Variants in TRPM8 observed in about 807,000 individuals in gnomAD.
TRPM8 encodes the protein transient receptor potential cation channel subfamily M member 8.
In TRPM8, 110 loss-of-function variants were observed where a neutral mutation model predicts 133.7. The observed-to-expected ratio is 0.82, with a 90% CI of 0.70 to 0.96. The LOEUF (loss-of-function observed/expected upper bound fraction) is 0.96, where lower values mean the gene tolerates loss of function less well. Ranked by LOEUF, TRPM8 falls within the 40% of genes least tolerant of loss-of-function variation. TRPM8 has a pLI of 0.00. For synonymous variants in TRPM8, 535 were observed against 532.3 expected, an observed-to-expected ratio of 1.01 and a Z score of -0.07; for missense variants, 1,291 against 1,379.5, an observed-to-expected ratio of 0.94 and a Z score of 1.02.
chr2:233,993,081 T>C (rs1692322230), intron 21 of TRPM8, among the ~76,000 whole-genome samples: 1 of 152,224 alleles, frequency 6.6e-6, no homozygotes, highest in East Asian at 1.9e-4. Context: ...GGGTCAGCTG[T>C]ACCTCGGTGT....
In TRPM8 at chr2:233,966,738, G is replaced by A. The variant is rs141040008; in HGVS notation, c.2008G>A (p.Ala670Thr). Reference protein sequence around the residue: ...AVEATDQHFIAQPGVQNFLSK... With the variant: ...AVEATDQHFITQPGVQNFLSK... ...GGAGGCCACAGACCAGCATTTCATC[G>A]CCCAGCCTGGGGTCCAGGTAAACCA... The change falls in exon 15 of 26, where the codon GCC (alanine) becomes ACC (threonine). Residue 670 changes from alanine (A) to threonine (T), a missense_variant. Coordinates refer to ENST00000324695, the MANE Select transcript of TRPM8 (RefSeq NM_024080.5). The A allele has an allele frequency of 5.2e-5, 82 of 1,588,448 alleles. No individual in the cohort carries two copies. Among genetic ancestry groups the A allele is most frequent in the Middle Eastern group, 5.0e-4 (3 of 5,950 alleles).
At chr2:233,929,414 A>G (rs1012185403) in intron 2 of TRPM8, among the ~76,000 whole-genome samples, 7 of 152,216 alleles carry the variant, frequency 4.6e-5, no homozygotes, top group African/African-American at 1.4e-4. Flanking sequence ...ACTTCATTCC[A>G]GGAGAAGGGA....
chr2:233,934,318 C>T (rs1691744132), intron 3 of TRPM8, among the ~76,000 whole-genome samples: 1 of 152,174 alleles, frequency 6.6e-6, no homozygotes, highest in African/African-American at 2.4e-5. Context: ...GCCTGATCTT[C>T]CATGTCACAG....
At chr2:234,010,890 T>C (rs1276461412) in intron 24 of TRPM8, among the ~76,000 whole-genome samples, 4 of 152,250 alleles carry the variant, frequency 2.6e-5, no homozygotes, top group Admixed American at 6.5e-5. Flanking sequence ...TACTGATAAA[T>C]GGTTTGTAAA....
chr2:233,950,141 A>T lies in TRPM8; in HGVS notation c.1135A>T (p.Lys379Ter). 7.4e-6 allele frequency: 12 copies of T among 1,612,360 alleles called. No individual in the cohort carries two copies. The highest frequency in any genetic ancestry group is 1.0e-5 in the Non-Finnish European group (12 of 1,179,836). ...LPEEETESWI[K>*]WLKEILECSH... ...TGAGGAGGAGACTGAGAGTTGGATC[A>T]AATGGGTAAGTTGTCGGGACCATGT... The change falls in exon 9 of 26, where the codon AAA becomes TAA. Residue 379 changes from lysine to a stop codon, truncating the protein, a stop_gained. Transcript: ENST00000324695. LOFTEE classifies it high-confidence loss of function.
rs200066478 is a variant in TRPM8 at position 233,945,988 on chromosome 2, C to T, written c.832C>T (p.Arg278Trp). The stretch of plus-strand genomic sequence containing the variant: ...ACATCCCACTGTCGAAGCAAAGCTC[C>T]GGAATCAGCTAGAGAAGTATATCTC... ...HGHPTVEAKL[R>W]NQLEKYISER... The change falls in exon 7 of 26, where the codon CGG becomes TGG. Residue 278 changes from arginine to tryptophan, a missense_variant. By Grantham distance (101) the Arg-to-Trp change is moderately radical. Coordinates refer to ENST00000324695, the MANE Select transcript of TRPM8 (RefSeq NM_024080.5). 6.8e-5 allele frequency: 110 copies of T among 1,613,980 alleles called. No homozygotes were observed. Among genetic ancestry groups the T allele is most frequent in the Admixed American group, 1.2e-4 (7 of 59,994 alleles).
intron 14 of TRPM8, 126 bp downstream of exon 14, chr2:233,964,883 G>A: frequency 2.0e-6 from 2 of 1,004,504 alleles, no homozygotes; most frequent in South Asian, 2.5e-5. Flanking sequence ...GTCTGATTGA[G>A]GGCTGCAGAC....
At chr2:233,997,079 A>T (rs559826892) in intron 22 of TRPM8, among the ~76,000 whole-genome samples, 22 of 152,294 alleles carry the variant, frequency 1.4e-4, no homozygotes, top group African/African-American at 5.1e-4. Flanking sequence ...AGCCTGGGCA[A>T]CACGGTGAAA....
intron 17 of TRPM8, among the ~76,000 whole-genome samples, chr2:233,979,912 A>C (rs1691963718): frequency 6.6e-6 from 1 of 152,158 alleles, no homozygotes; most frequent in South Asian, 2.1e-4. Flanking sequence ...CACCCTCTGC[A>C]GGTTCCTCTT....
chr2:233,917,528 A>G (rs537100301), intron 1 of TRPM8, 96 bp downstream of exon 1: 4 of 152,220 alleles, frequency 2.6e-5, no homozygotes, highest in Non-Finnish European at 2.9e-5. Flanking sequence ...GAGGGGCATC[A>G]TTTAGTTTTT....
At chr2:233,962,802 C>T (rs956517016) in intron 12 of TRPM8, among the ~76,000 whole-genome samples, 2 of 152,170 alleles carry the variant, frequency 1.3e-5, no homozygotes, top group South Asian at 4.1e-4. Flanking sequence ...TTGAAAGGTA[C>T]AGAATGGTGA....
At chr2:233,987,076 C>T (rs570038226) in intron 21 of TRPM8, among the ~76,000 whole-genome samples, 34 of 152,230 alleles carry the variant, frequency 2.2e-4, no homozygotes, top group Non-Finnish European at 2.4e-4. Context: ...AAACCTCTGT[C>T]GGAACTCTCT....
chr2:234,007,829 C>A (rs1692731593), intron 23 of TRPM8, among the ~76,000 whole-genome samples: 1 of 152,174 alleles, frequency 6.6e-6, no homozygotes, highest in Admixed American at 6.5e-5. Context: ...TTTCCACCGC[C>A]CTGTCAACAG....
chr2:233,998,478 G>A (rs757450335), intron 22 of TRPM8, among the ~76,000 whole-genome samples: 1 of 152,088 alleles, frequency 6.6e-6, no homozygotes, highest in African/African-American at 2.4e-5. Context: ...CAGTTAGGGT[G>A]AGCAGCCTGC....
chr2:233,957,138 C>T (rs1443855161), intron 11 of TRPM8, among the ~76,000 whole-genome samples: 1 of 152,154 alleles, frequency 6.6e-6, no homozygotes, highest in Non-Finnish European at 1.5e-5. Context: ...CAAGAGCCAA[C>T]TGCTAAATTT....
intron 24 of TRPM8, among the ~76,000 whole-genome samples, chr2:234,009,517 G>A (rs903707185): frequency 1.6e-4 from 24 of 152,106 alleles, no homozygotes; most frequent in Non-Finnish European, 2.8e-4. Flanking sequence ...GAGGAGAGGC[G>A]GTAGAATTGT....
intron 9 of TRPM8, among the ~76,000 whole-genome samples, chr2:233,951,195 A>T (rs1219492632): frequency 2.0e-5 from 3 of 152,158 alleles, no homozygotes; most frequent in African/African-American, 7.2e-5. Context: ...GAGCCATTGC[A>T]CTCTAGTTTG....
chr2:233,921,955 G>A (rs1378797064), intron 1 of TRPM8, among the ~76,000 whole-genome samples: 1 of 152,150 alleles, frequency 6.6e-6, no homozygotes, highest in East Asian at 1.9e-4. Flanking sequence ...TTACAGGCGT[G>A]AGCCACCATG....
chr2:233,942,536 C>T, intron 5 of TRPM8, 40 bp from the exon 6 acceptor site: 1 of 1,611,298 alleles, frequency 6.2e-7, no homozygotes, highest in Non-Finnish European at 8.5e-7. Context: ...AAACTTTGCC[C>T]AGTGCCACTT....
Sources: allele counts gnomAD v4.1 joint callset (sites outside exome capture counted in the v4.1 genomes callset), GRCh38; gene constraint gnomAD v4.1.1; transcripts MANE v1.5; gene names NCBI Gene and HGNC (gene_info 2026-07-23, HGNC 2026-07-21).